SPON1: variants seen among roughly 807,000 people sequenced by gnomAD.
SPON1 encodes spondin-1.
SPON1 carries 52 observed loss-of-function variants against 111.7 expected under a neutral mutation model. The observed-to-expected ratio is 0.47, with a 90% CI of 0.37 to 0.59. The LOEUF (loss-of-function observed/expected upper bound fraction) is 0.59. SPON1 is among the 20% of genes least tolerant of loss of function. SPON1 has a pLI of 0.00. For missense variants in SPON1, 957 were observed against 1,068.5 expected, an observed-to-expected ratio of 0.90 and a Z score of 1.46; for synonymous variants, 410 against 395.8, an observed-to-expected ratio of 1.04 and a Z score of -0.43.
chr11:14,056,511 T>TAA (rs1349822807), intron 3 of SPON1, among the ~76,000 whole-genome samples: 1 of 152,074 alleles, frequency 6.6e-6, no homozygotes, highest in Non-Finnish European at 1.5e-5. Flanking sequence ...CCACTTCCCA[T>TAA]AAAGAATATG....
intron 2 of SPON1, among the ~76,000 whole-genome samples, chr11:13,996,620 AAT>A (rs1848274166): frequency 1.3e-5 from 2 of 152,202 alleles, no homozygotes; most frequent in South Asian, 2.1e-4. Flanking sequence ...AAGAAATAAA[AAT>A]ATGTCATTTT....
At chr11:14,226,963 C>G (rs1235466485) in intron 6 of SPON1, among the ~76,000 whole-genome samples, 2 of 152,136 alleles carry the variant, frequency 1.3e-5, no homozygotes, top group African/African-American at 4.8e-5. Context: ...GTCAAATCTC[C>G]CTGTGCCTCT....
At chr11:14,157,636 T>C (rs1847864475) in intron 6 of SPON1, among the ~76,000 whole-genome samples, 1 of 152,136 alleles carries the variant, frequency 6.6e-6, no homozygotes, top group Non-Finnish European at 1.5e-5. Context: ...CCCAATATTC[T>C]TTCTCCTTTC....
intron 6 of SPON1, among the ~76,000 whole-genome samples, chr11:14,164,727 A>C (rs1848007962): frequency 6.6e-6 from 1 of 152,116 alleles, no homozygotes; most frequent in Admixed American, 6.6e-5. Flanking sequence ...TTTTATTATC[A>C]CTTAAATCAG....
intron 5 of SPON1, among the ~76,000 whole-genome samples, chr11:14,091,334 T>A (rs940060902): frequency 1.1e-4 from 16 of 152,216 alleles, no homozygotes; most frequent in Non-Finnish European, 1.8e-4. Flanking sequence ...CTGGCATTCC[T>A]CAGCCCTTGG....
chr11:14,055,984 G>A (rs1198273103), intron 3 of SPON1, among the ~76,000 whole-genome samples: 1 of 152,138 alleles, frequency 6.6e-6, no homozygotes, highest in Non-Finnish European at 1.5e-5. Flanking sequence ...ACAAGTCCCA[G>A]GTTGCCCCAA....
At chr11:14,112,606 T>C (rs994113409) in intron 5 of SPON1, among the ~76,000 whole-genome samples, 1 of 152,262 alleles carries the variant, frequency 6.6e-6, no homozygotes, top group Non-Finnish European at 1.5e-5. Context: ...GTTATATACT[T>C]GGCAGCTATT....
At chr11:14,206,427 G>A (rs931176803) in intron 6 of SPON1, among the ~76,000 whole-genome samples, 13 of 152,234 alleles carry the variant, frequency 8.5e-5, no homozygotes, top group Non-Finnish European at 1.2e-4. Flanking sequence ...TCCTGACCTC[G>A]TGATCCGCCC....
chr11:14,082,485 C>T (rs564248129), intron 5 of SPON1, among the ~76,000 whole-genome samples: 4 of 152,268 alleles, frequency 2.6e-5, no homozygotes, highest in Admixed American at 1.3e-4. Flanking sequence ...AACGTGATGA[C>T]GTGCTTATCT....
chr11:14,147,242 C>G (rs193115755), intron 6 of SPON1, among the ~76,000 whole-genome samples: 52 of 151,800 alleles, frequency 3.4e-4, no homozygotes, highest in African/African-American at 1.2e-3. Flanking sequence ...CCTTGTTGGT[C>G]AGGCTGGTCT....
intron 2 of SPON1, among the ~76,000 whole-genome samples, chr11:14,036,149 G>A (rs1315500854): frequency 2.0e-5 from 3 of 152,316 alleles, no homozygotes; most frequent in East Asian, 1.9e-4. Context: ...TTTCAGTCTT[G>A]ATTCTGAAAG....
Position 14,080,356 on chromosome 11 carries a change from G to A in SPON1, c.676+335G>A, listed in dbSNP as rs78300282. ...CAGTTCTCCTGCCTCAGCCTCCTGA[G>A]TAGCTGGGATTACAGGTATGGGCCA... On this transcript the variant is annotated intron_variant, in intron 5 of 15. Coordinates refer to ENST00000576479, the MANE Select transcript of SPON1 (RefSeq NM_006108.4). 9.1e-3 allele frequency among the ~76,000 whole-genome samples: 1,387 copies of A among 152,134 alleles called. 50 individuals are homozygous for A. In the East Asian group the frequency reaches 0.097, roughly 11 times the overall value.
intron 7 of SPON1, among the ~76,000 whole-genome samples, chr11:14,253,717 C>T (rs986127101): frequency 4.6e-5 from 7 of 152,254 alleles, no homozygotes; most frequent in African/African-American, 1.7e-4. Flanking sequence ...TGCCTTCAAG[C>T]CTCAGCCCCC....
At chr11:14,041,452 C>A in intron 2 of SPON1, 69 bp from the exon 3 acceptor site, 2 of 1,561,076 alleles carry the variant, frequency 1.3e-6, no homozygotes, top group South Asian at 1.2e-5. Flanking sequence ...AAGGAAGTAC[C>A]AACTTAGAAG....
chr11:14,142,771 C>T (rs1847671283), intron 6 of SPON1, among the ~76,000 whole-genome samples: 1 of 152,176 alleles, frequency 6.6e-6, no homozygotes, highest in Admixed American at 6.5e-5. Context: ...GTAACAGGAA[C>T]CCACTGAAAC....
intron 6 of SPON1, among the ~76,000 whole-genome samples, chr11:14,213,490 A>G (rs1554936909): frequency 6.6e-6 from 1 of 152,076 alleles, no homozygotes. Context: ...AGAAAAATGC[A>G]CTATTAAAAA....
At chr11:14,248,597 C>T (rs1025091297) in intron 7 of SPON1, among the ~76,000 whole-genome samples, 11 of 152,158 alleles carry the variant, frequency 7.2e-5, no homozygotes, top group Non-Finnish European at 1.2e-4. Flanking sequence ...CCCAGTCTCC[C>T]CTTTCCTCTT....
At chr11:14,064,067 A>G (rs1482908513) in intron 3 of SPON1, among the ~76,000 whole-genome samples, 1 of 152,196 alleles carries the variant, frequency 6.6e-6, no homozygotes, top group Non-Finnish European at 1.5e-5. Context: ...GAGTTGAATT[A>G]TGGGGAAAGT....
Position 14,172,687 on chromosome 11 carries a change from G to T in SPON1, c.825+37119G>T, listed in dbSNP as rs1421769067. 4.6e-5 allele frequency among the ~76,000 whole-genome samples: 7 copies of T among 151,694 alleles called. No homozygotes were observed. The South Asian group carries it at 1.0e-3, about 23-fold the overall frequency. ...TCAGGAGCTCTTTTAGGGCAGGCCTGGTGGTGACAAAATCTCTCAGCATTT... is the reference window on the plus strand; with the variant it reads ...TCAGGAGCTCTTTTAGGGCAGGCCTTGTGGTGACAAAATCTCTCAGCATTT... On this transcript the variant is annotated intron_variant, in intron 6 of 15. Coordinates refer to ENST00000576479, the MANE Select transcript of SPON1 (RefSeq NM_006108.4).
Sources: allele counts gnomAD v4.1 joint callset (sites outside exome capture counted in the v4.1 genomes callset), GRCh38; gene constraint gnomAD v4.1.1; transcripts MANE v1.5; gene names NCBI Gene and HGNC (gene_info 2026-07-23, HGNC 2026-07-21).